Variants in OR4N2 observed in about 807,000 individuals in gnomAD.
The protein encoded by OR4N2 is olfactory receptor family 4 subfamily N member 2.
For missense variants in OR4N2, 307 were observed against 377.6 expected (o/e 0.81, Z 1.55); for synonymous variants, 141 against 140.4 (o/e 1.00, Z -0.03).
At chr14:19,807,992 C>G (rs888239205) in intron 1 of OR4N2, among the ~76,000 whole-genome samples, 4 of 152,118 alleles carry the variant, frequency 2.6e-5, no homozygotes, top group African/African-American at 9.6e-5. Context: ...ACCACATGAT[C>G]ATCTCAATAG....
intron 1 of OR4N2, among the ~76,000 whole-genome samples, chr14:19,811,580 C>T (rs755711961): frequency 1.1e-4 from 16 of 152,224 alleles, no homozygotes; most frequent in African/African-American, 3.6e-4. Context: ...ATTAGCAATC[C>T]GAACATGACA....
rs1879762626 is a variant in OR4N2 at position 19,827,990 on chromosome 14, T to A, written c.542T>A (p.Val181Asp). The part of the protein sequence containing the change: ...PNQLDNFFCD[V>D]PQVIKLACTD... ...CAGCTGGACAACTTCTTCTGTGATG[T>A]CCCACAGGTCATCAAGCTGGCCTGC... Residue 181 changes from valine (V) to aspartate (D), a missense_variant, in exon 2 of 2, where the codon GTC becomes GAC. By Grantham distance (152) the Val-to-Asp change is radical. Transcript: ENST00000557677. The A allele has an allele frequency of 1.9e-6, 3 of 1,614,234 alleles. No individual in the cohort carries two copies. The highest frequency in any genetic ancestry group is 2.5e-6 in the Non-Finnish European group (3 of 1,180,034).
At chr14:19,819,010 C>T (rs1325656127) in intron 1 of OR4N2, among the ~76,000 whole-genome samples, 1 of 152,200 alleles carries the variant, frequency 6.6e-6, no homozygotes, top group Non-Finnish European at 1.5e-5. Flanking sequence ...AATATTGGCC[C>T]CCACTTCTTT....
chr14:19,810,613 A>G (rs372553371), intron 1 of OR4N2, among the ~76,000 whole-genome samples: 2 of 152,266 alleles, frequency 1.3e-5, no homozygotes, highest in Non-Finnish European at 2.9e-5. Flanking sequence ...AATGTGGTAC[A>G]TAGACACAAT....
At chr14:19,803,866 A>T (rs1879085884) in intron 1 of OR4N2, 22 bp downstream of exon 1, 1 of 152,260 alleles carries the variant, frequency 6.6e-6, no homozygotes. Flanking sequence ...TTTTATTACT[A>T]ACACAATCTT....
intron 1 of OR4N2, among the ~76,000 whole-genome samples, chr14:19,812,329 C>CTTTTTTTTTTTTTTTTTTTTTTTTT (rs3078143): frequency 4.3e-5 from 5 of 117,440 alleles, no homozygotes; most frequent in African/African-American, 9.8e-5. Context: ...CTTTTCTTTT[C>CTTTTTTTTTTTTTTTTTTTTTTTTT]TTTTTTTTTT....
At chr14:19,804,395 T>G (rs1166576375) in intron 1 of OR4N2, among the ~76,000 whole-genome samples, 1 of 152,218 alleles carries the variant, frequency 6.6e-6, no homozygotes, top group Admixed American at 6.5e-5. Context: ...GATTTTGATA[T>G]GTAGTATGTT....
At chr14:19,824,566 G>A (rs1483695341) in intron 1 of OR4N2, among the ~76,000 whole-genome samples, 1 of 152,212 alleles carries the variant, frequency 6.6e-6, no homozygotes, top group African/African-American at 2.4e-5. Context: ...AGAAAAACAT[G>A]GGTTTGAACC....
At chr14:19,815,622 T>C (rs1158758870) in intron 1 of OR4N2, among the ~76,000 whole-genome samples, 2 of 152,084 alleles carry the variant, frequency 1.3e-5, no homozygotes, top group Non-Finnish European at 2.9e-5. Flanking sequence ...ATTCTGTAGG[T>C]TGACTGTCCA....
In OR4N2 at chr14:19,809,276, C is replaced by T. The variant is rs1287190216; in HGVS notation, c.-10+5432C>T. 2.0e-5 allele frequency among the ~76,000 whole-genome samples: 3 copies of T among 152,202 alleles called. No individual in the cohort carries two copies. In the East Asian group the frequency reaches 5.8e-4, roughly 29 times the overall value. Reference sequence around the variant, plus strand: ...ATCCTAGAAGAAAACCTAGGAAATACTCTTCTCAGCCACAGTCTTGGCAGA... The same window carrying T: ...ATCCTAGAAGAAAACCTAGGAAATATTCTTCTCAGCCACAGTCTTGGCAGA... On this transcript the variant is annotated intron_variant, in intron 1 of 1. Transcript: ENST00000557677.
intron 1 of OR4N2, among the ~76,000 whole-genome samples, chr14:19,820,139 G>A (rs1232911257): frequency 1.3e-5 from 2 of 152,250 alleles, no homozygotes; most frequent in East Asian, 1.9e-4. Flanking sequence ...GCTAGGAGGT[G>A]TCTCCCAGTC....
intron 1 of OR4N2, among the ~76,000 whole-genome samples, chr14:19,807,795 A>G (rs1310786343): frequency 6.6e-6 from 1 of 152,182 alleles, no homozygotes; most frequent in Non-Finnish European, 1.5e-5. Context: ...ACAAATCATC[A>G]GGCCAATATC....
chr14:19,810,722 CATT>C (rs1488632652), intron 1 of OR4N2, among the ~76,000 whole-genome samples: 2 of 152,124 alleles, frequency 1.3e-5, no homozygotes, highest in African/African-American at 4.8e-5. Context: ...AGTAGACAAA[CATT>C]AGAAAAAATT....
chr14:19,825,373 T>C (rs532711515), intron 1 of OR4N2, among the ~76,000 whole-genome samples: 1 of 152,300 alleles, frequency 6.6e-6, no homozygotes, highest in South Asian at 2.1e-4. Context: ...TGTCTTTTGG[T>C]GTTTGTTTGC....
intron 1 of OR4N2, among the ~76,000 whole-genome samples, chr14:19,813,619 G>A (rs1879355200): frequency 2.0e-5 from 3 of 152,186 alleles, no homozygotes; most frequent in Admixed American, 1.3e-4. Flanking sequence ...ACATTTTGGT[G>A]CCTTGATGTC....
intron 1 of OR4N2, 61 bp from the exon 2 acceptor site, chr14:19,827,379 A>G: frequency 7.1e-7 from 1 of 1,412,722 alleles, no homozygotes; most frequent in South Asian, 1.4e-5. Flanking sequence ...TAGCTGTATA[A>G]CTAGTATCTA....
chr14:19,810,795 A>G lies in OR4N2; in HGVS notation c.-10+6951A>G, dbSNP rs150314598. 2.3e-3 allele frequency among the ~76,000 whole-genome samples: 348 copies of G among 152,338 alleles called. 3 individuals carry two copies. The highest frequency in any genetic ancestry group is 0.022 in the Admixed American group (335 of 15,258). On this transcript the variant is annotated intron_variant, in intron 1 of 1. Coordinates refer to ENST00000557677, the MANE Select transcript of OR4N2 (RefSeq NM_001004723.3). ...CCAAAATTGATAAACCCATAGTAGA[A>G]TGATGAATTTTAAAAGAGAAACACA... is the stretch of plus-strand genomic sequence containing the variant.
intron 1 of OR4N2, among the ~76,000 whole-genome samples, chr14:19,813,659 C>T (rs1879355883): frequency 1.3e-5 from 2 of 152,172 alleles, no homozygotes; most frequent in South Asian, 4.1e-4. Flanking sequence ...GTTTAGAATA[C>T]ATGCATTCCA....
At chr14:19,809,357 C>A (rs1319246472) in intron 1 of OR4N2, among the ~76,000 whole-genome samples, 1 of 152,064 alleles carries the variant, frequency 6.6e-6, no homozygotes, top group Non-Finnish European at 1.5e-5. Context: ...GTTGACAAGT[C>A]GGGCCTAATT....
Sources: allele counts gnomAD v4.1 joint callset (sites outside exome capture counted in the v4.1 genomes callset), GRCh38; gene constraint gnomAD v4.1.1; transcripts MANE v1.5; gene names NCBI Gene and HGNC (gene_info 2026-07-23, HGNC 2026-07-21).